The following NRXN1 variants were observed in gnomAD, a reference collection of about 807,000 sequenced individuals.
NRXN1 encodes the protein neurexin-1.
NRXN1 carries 39 observed loss-of-function variants against 150.9 expected under a neutral mutation model. The observed-to-expected ratio is 0.26, with a 90% CI of 0.20 to 0.34. The LOEUF is 0.34. NRXN1 is among the 10% of genes least tolerant of loss of function. The probability of loss-of-function intolerance (pLI) is 1.00; values close to 1 mark genes in which losing one functional copy is unlikely to be tolerated. For synonymous variants in NRXN1, 924 were observed against 757.0 expected (o/e 1.22, Z -3.62); for missense variants, 1,815 against 1,949.9 (o/e 0.93, Z 1.30).
Position 50,620,201 on chromosome 2 carries a change from G to C in NRXN1, c.1159-18C>G. 6.2e-7 allele frequency: 1 copy of C among 1,612,432 alleles called. No individual in the cohort carries two copies. Among genetic ancestry groups the C allele is most frequent in the Non-Finnish European group, 8.5e-7 (1 of 1,179,066 alleles). On this transcript the variant is annotated intron_variant, in intron 7 of 22. Transcript: ENST00000401669. ...ATTGTCACCTAGATAACAAAGCACA[G>C]GGAAAGGACACGCTATACTCAGACC...
chr2:50,095,787 T>G (rs994643111), intron 18 of NRXN1, among the ~76,000 whole-genome samples: 3 of 150,342 alleles, frequency 2.0e-5, no homozygotes, highest in African/African-American at 7.3e-5. Flanking sequence ...TAATTTTATA[T>G]ATATATTTTT....
At chr2:50,338,791 C>T (rs541114883) in intron 17 of NRXN1, among the ~76,000 whole-genome samples, 17 of 152,012 alleles carry the variant, frequency 1.1e-4, no homozygotes, top group African/African-American at 2.9e-4. Context: ...TACTGTGTCA[C>T]GGGGCTACCA....
chr2:50,342,334 C>T (rs1341563638), intron 17 of NRXN1, among the ~76,000 whole-genome samples: 1 of 152,152 alleles, frequency 6.6e-6, no homozygotes, highest in East Asian at 1.9e-4. Context: ...AACATTTTGT[C>T]CAAGAATCCA....
At chr2:50,791,119 C>A (rs1574487062) in intron 5 of NRXN1, among the ~76,000 whole-genome samples, 5 of 139,598 alleles carry the variant, frequency 3.6e-5, no homozygotes, top group Admixed American at 7.1e-5. Context: ...TAAATGCAAT[C>A]AAAATGTTTT....
intron 2 of NRXN1, among the ~76,000 whole-genome samples, chr2:50,936,107 A>G (rs1039756552): frequency 1.3e-5 from 2 of 152,170 alleles, no homozygotes; most frequent in African/African-American, 2.4e-5. Context: ...ATATGTCCCA[A>G]GCATATGAGC....
chr2:50,226,765 G>C (rs1001480597), intron 18 of NRXN1, among the ~76,000 whole-genome samples: 1 of 151,930 alleles, frequency 6.6e-6, no homozygotes, highest in African/African-American at 2.4e-5. Context: ...GAAACATGCT[G>C]ATAGTTAGCT....
At chr2:50,799,841 G>C (rs1276008040) in intron 5 of NRXN1, among the ~76,000 whole-genome samples, 2 of 151,908 alleles carry the variant, frequency 1.3e-5, no homozygotes, top group Non-Finnish European at 2.9e-5. Context: ...AAAATACTTG[G>C]ATTCAATTTC....
At chr2:50,779,101 T>C (rs1056455351) in intron 5 of NRXN1, among the ~76,000 whole-genome samples, 8 of 152,082 alleles carry the variant, frequency 5.3e-5, no homozygotes, top group Non-Finnish European at 1.0e-4. Context: ...GGCATACTTG[T>C]GCCACAGTGG....
intron 17 of NRXN1, among the ~76,000 whole-genome samples, chr2:50,318,039 A>T (rs924294271): frequency 6.6e-6 from 1 of 152,090 alleles, no homozygotes; most frequent in Admixed American, 6.6e-5. Context: ...ATATACCATA[A>T]AAAGACTGAA....
intron 5 of NRXN1, among the ~76,000 whole-genome samples, chr2:50,650,450 C>A (rs991613582): frequency 1.3e-5 from 2 of 151,966 alleles, no homozygotes; most frequent in Non-Finnish European, 2.9e-5. Context: ...GTTTAAACAT[C>A]GAATAAAAAT....
chr2:50,393,736 G>A (rs1429601866), intron 17 of NRXN1, among the ~76,000 whole-genome samples: 1 of 152,020 alleles, frequency 6.6e-6, no homozygotes, highest in Non-Finnish European at 1.5e-5. Flanking sequence ...ATTTCTTCAG[G>A]ACTTTCTCCC....
chr2:50,688,189 C>A (rs1691533979), intron 5 of NRXN1, among the ~76,000 whole-genome samples: 1 of 152,120 alleles, frequency 6.6e-6, no homozygotes, highest in African/African-American at 2.4e-5. Context: ...CAAATCAGAA[C>A]CCTAACCCAA....
chr2:50,258,785 C>T (rs2067967732), intron 17 of NRXN1, among the ~76,000 whole-genome samples: 1 of 151,938 alleles, frequency 6.6e-6, no homozygotes, highest in Admixed American at 6.6e-5. Context: ...TTACTCCTTC[C>T]TTGGGTTATA....
intron 17 of NRXN1, among the ~76,000 whole-genome samples, chr2:50,398,410 T>C (rs981194793): frequency 3.3e-5 from 5 of 152,052 alleles, no homozygotes; most frequent in African/African-American, 9.7e-5. Context: ...TATTCAAGCA[T>C]TGGAATCCTA....
chr2:50,787,769 G>A (rs1438563762), intron 5 of NRXN1, among the ~76,000 whole-genome samples: 1 of 151,632 alleles, frequency 6.6e-6, no homozygotes, highest in African/African-American at 2.4e-5. Context: ...GGAACCATGA[G>A]TTAGTTGTTT....
In NRXN1 at chr2:51,028,060, C is replaced by T. The variant is rs1489429289; in HGVS notation, c.214G>A (p.Asp72Asn). 1 of 1,597,940 alleles carries T rather than the reference C, an allele frequency of 6.3e-7. No homozygotes were observed. Among genetic ancestry groups the T allele is most frequent in the Non-Finnish European group, 8.5e-7 (1 of 1,176,136 alleles). The change falls in exon 2 of 23, where the codon GAC becomes AAC. Residue 72 changes from aspartate (D) to asparagine (N), a missense_variant. Physicochemically the swap from Asp to Asn is conservative, Grantham distance 23. Around this residue, in one of 6 missense-constraint regions of NRXN1, gnomAD observed 554 missense variants for 478.8 expected, o/e 1.16. Coordinates refer to ENST00000401669, the MANE Select transcript of NRXN1 (RefSeq NM_001330078.2). ...SARGLVLYFD[D>N]EGFCDFLELI... Reference sequence around the variant, plus strand: ...TCCAGGAAGTCGCAGAAGCCCTCGTCGTCGAAGTAGAGCACGAGGCCGCGG... The same window carrying T: ...TCCAGGAAGTCGCAGAAGCCCTCGTTGTCGAAGTAGAGCACGAGGCCGCGG...
At chr2:50,249,142 G>C (rs1034765664) in intron 17 of NRXN1, among the ~76,000 whole-genome samples, 3 of 144,408 alleles carry the variant, frequency 2.1e-5, no homozygotes, top group African/African-American at 7.8e-5. Flanking sequence ...GGACAACAAA[G>C]TGAGACCCTT....
chr2:50,663,035 G>A (rs1687523784), intron 5 of NRXN1, among the ~76,000 whole-genome samples: 1 of 151,988 alleles, frequency 6.6e-6, no homozygotes, highest in East Asian at 1.9e-4. Flanking sequence ...AGCACTATTT[G>A]AGAAATGATG....
chr2:50,007,060 A>C (rs1441876604), intron 21 of NRXN1, among the ~76,000 whole-genome samples: 1 of 152,124 alleles, frequency 6.6e-6, no homozygotes, highest in Non-Finnish European at 1.5e-5. Flanking sequence ...TCAAGGGAAC[A>C]GGCCAGGTAC....
Sources: allele counts gnomAD v4.1 joint callset (sites outside exome capture counted in the v4.1 genomes callset), GRCh38; gene constraint gnomAD v4.1.1; regional missense constraint gnomAD v4.1.1; transcripts MANE v1.5; gene names NCBI Gene and HGNC (gene_info 2026-07-23, HGNC 2026-07-21).